The following APLF variants were observed in gnomAD, a reference collection of about 807,000 sequenced individuals.
The protein encoded by APLF is aprataxin and PNK-like factor.
A neutral mutation model predicts 55.6 loss-of-function variants in APLF; 61 were observed. The observed-to-expected ratio is 1.10, with a 90% CI of 0.89 to 1.36. The LOEUF (loss-of-function observed/expected upper bound fraction) is 1.36. Ranked by LOEUF, APLF falls within the 40% of genes most tolerant of loss-of-function variation. The probability of loss-of-function intolerance (pLI) is 0.00; values close to 1 mark genes in which losing one functional copy is unlikely to be tolerated. For missense variants in APLF, 611 were observed against 602.5 expected (o/e 1.01, Z -0.15); for synonymous variants, 207 against 214.8 (o/e 0.96, Z 0.32).
At chr2:68,492,395 G>A (rs552634773) in intron 2 of APLF, among the ~76,000 whole-genome samples, 5 of 152,204 alleles carry the variant, frequency 3.3e-5, no homozygotes, top group African/African-American at 4.8e-5. Context: ...GGAGAATGGC[G>A]TGAACCCGGG....
chr2:68,509,101 C>A (rs1432819009), intron 3 of APLF, among the ~76,000 whole-genome samples: 1 of 151,956 alleles, frequency 6.6e-6, no homozygotes, highest in African/African-American at 2.4e-5. Context: ...AATGTTAGAC[C>A]TAAAACCATA....
intron 6 of APLF, among the ~76,000 whole-genome samples, chr2:68,536,479 G>A (rs1364682128): frequency 1.3e-5 from 2 of 152,154 alleles, no homozygotes; most frequent in African/African-American, 4.8e-5. Context: ...ACATTGATGT[G>A]TATCTGGTAT....
intron 9 of APLF, among the ~76,000 whole-genome samples, chr2:68,570,450 C>A (rs988615171): frequency 4.0e-5 from 6 of 151,774 alleles, no homozygotes; most frequent in South Asian, 2.1e-4. Context: ...CCACTCCCCC[C>A]ACCCCACAAC....
At chr2:68,557,334 A>G (rs748652873) in intron 8 of APLF, among the ~76,000 whole-genome samples, 8 of 152,194 alleles carry the variant, frequency 5.3e-5, no homozygotes. Context: ...TAAGGATGCA[A>G]TCATTGTAGA....
chr2:68,479,069 A>T (rs1675871264), intron 1 of APLF, among the ~76,000 whole-genome samples: 1 of 152,136 alleles, frequency 6.6e-6, no homozygotes, highest in African/African-American at 2.4e-5. Context: ...GAGCCCCATG[A>T]GTTGAGTAAC....
chr2:68,481,563 T>A (rs1675958300), intron 1 of APLF, among the ~76,000 whole-genome samples: 1 of 152,168 alleles, frequency 6.6e-6, no homozygotes, highest in Non-Finnish European at 1.5e-5. Flanking sequence ...TTTGAAAATT[T>A]GACTATAAGT....
chr2:68,563,332 A>G (rs372225436), intron 8 of APLF: 1 of 983,954 alleles, frequency 1.0e-6, no homozygotes, highest in Non-Finnish European at 1.2e-6. Flanking sequence ...CCTTTTTGGA[A>G]TAATTAAATG....
intron 8 of APLF, among the ~76,000 whole-genome samples, chr2:68,551,517 A>G (rs1670859320): frequency 6.6e-6 from 1 of 151,228 alleles, no homozygotes; most frequent in Non-Finnish European, 1.5e-5. Flanking sequence ...TGTTTCTTCT[A>G]GTCTGCTGTT....
At chr2:68,528,189 C>T in intron 6 of APLF, 1 of 800,054 alleles carries the variant, frequency 1.2e-6, no homozygotes, top group Non-Finnish European at 2.0e-6. Flanking sequence ...CTGATCCGCC[C>T]ACCTGGGCCT....
intron 3 of APLF, among the ~76,000 whole-genome samples, chr2:68,505,176 TATC>T (rs1343884019): frequency 2.6e-5 from 4 of 152,192 alleles, no homozygotes; most frequent in African/African-American, 7.2e-5. Context: ...CTTTTTCTCT[TATC>T]ATACATGTAT....
At chr2:68,534,992 T>TA (rs1670348694) in intron 6 of APLF, among the ~76,000 whole-genome samples, 3 of 152,358 alleles carry the variant, frequency 2.0e-5, no homozygotes, top group East Asian at 3.9e-4. Flanking sequence ...GGGTGTACTA[T>TA]AAATCAATAT....
At chr2:68,525,604 G>A (rs1180576485) in intron 5 of APLF, among the ~76,000 whole-genome samples, 1 of 152,178 alleles carries the variant, frequency 6.6e-6, no homozygotes, top group East Asian at 1.9e-4. Context: ...CAGCCTGGTA[G>A]AATGCACGGC....
intron 9 of APLF, among the ~76,000 whole-genome samples, chr2:68,569,458 TGTTGTA>T (rs999397224): frequency 1.9e-4 from 29 of 152,016 alleles, no homozygotes; most frequent in African/African-American, 7.0e-4. Context: ...AAGGTAGAAG[TGTTGTA>T]GTTGGAGTTA....
At chr2:68,502,411 T>C (rs1014600485) in intron 2 of APLF, among the ~76,000 whole-genome samples, 3 of 152,132 alleles carry the variant, frequency 2.0e-5, no homozygotes, top group Non-Finnish European at 4.4e-5. Flanking sequence ...ATATTTCTTC[T>C]TGTGATGTCT....
chr2:68,548,604 A>G lies in APLF; in HGVS notation c.1286+3292A>G, dbSNP rs117780506. 6.4e-3 allele frequency among the ~76,000 whole-genome samples: 970 copies of G among 152,076 alleles called. 2 individuals carry two copies. Among genetic ancestry groups the G allele is most frequent in the South Asian group, 9.9e-3 (48 of 4,830 alleles). On this transcript the variant is annotated intron_variant, in intron 8 of 9. Coordinates refer to ENST00000303795, the MANE Select transcript of APLF (RefSeq NM_173545.3). ...TTTTCCAAAGAATCATCAAATGCCAAGTGTTGATGAAACAGTGTTGAGATG... is the reference window on the plus strand; with the variant it reads ...TTTTCCAAAGAATCATCAAATGCCAGGTGTTGATGAAACAGTGTTGAGATG...
chr2:68,543,760 A>G (rs187231857), intron 7 of APLF, among the ~76,000 whole-genome samples: 1 of 152,302 alleles, frequency 6.6e-6, no homozygotes, highest in African/African-American at 2.4e-5. Flanking sequence ...ACTACATGGT[A>G]TTGAAAACGT....
intron 3 of APLF, among the ~76,000 whole-genome samples, chr2:68,506,769 CT>C (rs1240139140): frequency 1.3e-5 from 2 of 151,850 alleles, no homozygotes; most frequent in Admixed American, 1.3e-4. Context: ...GTGAAAACAC[CT>C]GCAGAAAGGC....
intron 7 of APLF, 65 bp from the exon 8 acceptor site, chr2:68,545,122 A>G: frequency 4.4e-6 from 7 of 1,573,444 alleles, no homozygotes; most frequent in Non-Finnish European, 6.1e-6. Flanking sequence ...GTTTCCTGCT[A>G]TATCCACTAA....
chr2:68,518,772 A>T (rs111214743), intron 5 of APLF, among the ~76,000 whole-genome samples: 3 of 106,816 alleles, frequency 2.8e-5, no homozygotes, highest in Non-Finnish European at 5.1e-5. Flanking sequence ...TATTAATAAT[A>T]TATCATTATA....
Sources: gnomAD v4.1 joint callset for allele counts (sites outside exome capture counted in the v4.1 genomes callset) on GRCh38, gnomAD v4.1.1 for gene constraint, MANE v1.5 for transcripts, NCBI Gene and HGNC (gene_info 2026-07-23, HGNC 2026-07-21) for gene names.